ATP13A4: variants seen among roughly 807,000 people sequenced by gnomAD.
ATP13A4 encodes the protein probable cation-transporting ATPase 13A4.
Under a neutral mutation model 142.5 loss-of-function variants are expected in ATP13A4, and 114 were observed. The observed-to-expected ratio is 0.80, with a 90% CI of 0.69 to 0.93. The LOEUF (loss-of-function observed/expected upper bound fraction) is 0.93, where lower values mean the gene tolerates loss of function less well. Among genes scored for constraint, ATP13A4 ranks in the 40% least tolerant of loss-of-function variants. The pLI, the probability that ATP13A4 is intolerant of heterozygous loss-of-function variation, is 0.00. For missense variants in ATP13A4, 1,392 were observed against 1,454.0 expected, an observed-to-expected ratio of 0.96 and a Z score of 0.69; for synonymous variants, 488 against 514.8, an observed-to-expected ratio of 0.95 and a Z score of 0.70.
intron 1 of ATP13A4, among the ~76,000 whole-genome samples, chr3:193,582,562 A>G (rs1373674668): frequency 2.2e-5 from 3 of 135,588 alleles, no homozygotes; most frequent in African/African-American, 8.3e-5. Context: ...TGTATTATAT[A>G]TAATACATAT....
chr3:193,477,739 T>A (rs1360738646), intron 8 of ATP13A4, among the ~76,000 whole-genome samples: 1 of 151,990 alleles, frequency 6.6e-6, no homozygotes, highest in Non-Finnish European at 1.5e-5. Flanking sequence ...AACACAAAGA[T>A]GAGCATCGAT....
chr3:193,424,114 A>G (rs1191141953), intron 25 of ATP13A4, among the ~76,000 whole-genome samples: 1 of 149,360 alleles, frequency 6.7e-6, no homozygotes, highest in East Asian at 2.1e-4. Context: ...CTAGAAATAA[A>G]TTTAACCAAG....
At chr3:193,573,860 A>G (rs1724340277) in intron 2 of ATP13A4, among the ~76,000 whole-genome samples, 1 of 152,224 alleles carries the variant, frequency 6.6e-6, no homozygotes, top group East Asian at 1.9e-4. Context: ...GGTCTCTTCC[A>G]GAAACTTCAA....
At chr3:193,408,587 C>T (rs1714618063) in intron 28 of ATP13A4, among the ~76,000 whole-genome samples, 1 of 152,190 alleles carries the variant, frequency 6.6e-6, no homozygotes, top group Non-Finnish European at 1.5e-5. Flanking sequence ...GATACCCCAA[C>T]TGTTATGCTC....
intron 13 of ATP13A4, among the ~76,000 whole-genome samples, chr3:193,461,894 T>C (rs1011815311): frequency 6.6e-6 from 1 of 152,096 alleles, no homozygotes; most frequent in African/African-American, 2.4e-5. Context: ...CACACCATGC[T>C]GAGAACTGTC....
chr3:193,484,206 G>A (rs912590295), intron 7 of ATP13A4, among the ~76,000 whole-genome samples: 69 of 152,164 alleles, frequency 4.5e-4, no homozygotes, highest in Middle Eastern at 3.4e-3. Flanking sequence ...CCAGCAATAA[G>A]TATGTTTTCT....
chr3:193,488,900 G>GT (rs1382296146), intron 7 of ATP13A4, among the ~76,000 whole-genome samples: 5 of 152,168 alleles, frequency 3.3e-5, no homozygotes, highest in Non-Finnish European at 7.3e-5. Flanking sequence ...ACCCCAGGAA[G>GT]GTGGGAGTGG....
At chr3:193,509,003 G>T (rs997306400) in intron 2 of ATP13A4, among the ~76,000 whole-genome samples, 8 of 146,256 alleles carry the variant, frequency 5.5e-5, no homozygotes, top group Admixed American at 1.4e-4. Flanking sequence ...AAAAAAAAAA[G>T]CTGAGAAGTT....
intron 1 of ATP13A4, among the ~76,000 whole-genome samples, chr3:193,589,102 T>G (rs1724718022): frequency 6.6e-6 from 1 of 152,156 alleles, no homozygotes; most frequent in African/African-American, 2.4e-5. Flanking sequence ...ATTGTGCCAC[T>G]GCGCTCCAGC....
intron 1 of ATP13A4, among the ~76,000 whole-genome samples, chr3:193,516,437 T>C (rs1228244167): frequency 1.3e-5 from 2 of 152,222 alleles, no homozygotes; most frequent in Admixed American, 6.5e-5. Flanking sequence ...CTGACATGAA[T>C]ACTCTTCTGC....
intron 16 of ATP13A4, 24 bp downstream of exon 16, chr3:193,456,976 T>G: frequency 6.2e-7 from 1 of 1,601,720 alleles, no homozygotes; most frequent in Non-Finnish European, 8.5e-7. Flanking sequence ...ATTTGCCAGG[T>G]GTAATCCAAG....
intron 1 of ATP13A4, among the ~76,000 whole-genome samples, chr3:193,521,994 C>A (rs1721745570): frequency 6.6e-6 from 1 of 152,100 alleles, no homozygotes; most frequent in East Asian, 1.9e-4. Context: ...ATCTTTCCCC[C>A]TCCACAGTCA....
intron 1 of ATP13A4, among the ~76,000 whole-genome samples, chr3:193,546,734 C>G (rs1723250589): frequency 6.6e-6 from 1 of 152,162 alleles, no homozygotes. Context: ...AAACAAGAGG[C>G]AACAAACCAT....
At chr3:193,522,198 T>C (rs1721758432) in intron 1 of ATP13A4, among the ~76,000 whole-genome samples, 1 of 152,172 alleles carries the variant, frequency 6.6e-6, no homozygotes, top group South Asian at 2.1e-4. Flanking sequence ...AGCTACTGCC[T>C]ATGGAAACTC....
At chr3:193,541,162 T>C (rs564756345) in intron 1 of ATP13A4, among the ~76,000 whole-genome samples, 2 of 141,954 alleles carry the variant, frequency 1.4e-5, no homozygotes, top group Non-Finnish European at 3.0e-5. Context: ...GGCAGGAGAA[T>C]GGCGTGAACC....
intron 8 of ATP13A4, among the ~76,000 whole-genome samples, chr3:193,481,958 A>G (rs1376173716): frequency 2.0e-5 from 3 of 152,212 alleles, no homozygotes; most frequent in Non-Finnish European, 4.4e-5. Context: ...GGTTGTGTTC[A>G]AAAGTCATAT....
intron 18 of ATP13A4, 121 bp from the exon 19 acceptor site, chr3:193,442,677 T>C (rs1716716712): frequency 2.0e-6 from 2 of 1,022,218 alleles, no homozygotes; most frequent in African/African-American, 1.6e-5. Flanking sequence ...AAATGATCTC[T>C]GATATCTATT....
At position 193,433,860 on chromosome 3, in the gene ATP13A4, G is replaced by T. The variant is rs1329495064; in HGVS notation, c.2827C>A (p.Leu943Ile). The change falls in exon 25 of 30, where the codon CTT (leucine) becomes ATT (isoleucine). Residue 943 changes from leucine (L) to isoleucine (I), a missense_variant. By Grantham distance (5) the Leu-to-Ile change is conservative. Coordinates refer to ENST00000342695, the MANE Select transcript of ATP13A4 (RefSeq NM_032279.4). Reference protein sequence around the residue: ...FLFQDLAITTLIGVTMNLNGA... With the variant: ...FLFQDLAITTIIGVTMNLNGA... Reference sequence around the variant, plus strand: ...AATGTCTTACTTGTTACACCAATAAGAGTTGTAATGGCCAGATCCTGGAAC... The same window carrying T: ...AATGTCTTACTTGTTACACCAATAATAGTTGTAATGGCCAGATCCTGGAAC... 8.7e-6 allele frequency: 14 copies of T among 1,613,210 alleles called. No individual in the cohort carries two copies. The highest frequency in any genetic ancestry group is 1.2e-5 in the Non-Finnish European group (14 of 1,179,312).
At chr3:193,578,417 G>A (rs1445054578) in intron 2 of ATP13A4, among the ~76,000 whole-genome samples, 1 of 151,816 alleles carries the variant, frequency 6.6e-6, no homozygotes, top group African/African-American at 2.4e-5. Flanking sequence ...TGGTTTCTGG[G>A]AAGCAACTGC....
Sources: gnomAD v4.1 joint callset for allele counts (sites outside exome capture counted in the v4.1 genomes callset) on GRCh38, gnomAD v4.1.1 for gene constraint, MANE v1.5 for transcripts, NCBI Gene and HGNC (gene_info 2026-07-23, HGNC 2026-07-21) for gene names.